Variants in LPAR6 observed in about 807,000 individuals in gnomAD.
The protein encoded by LPAR6 is G-protein coupled purinergic receptor P2Y5.
Under a neutral mutation model 22.0 loss-of-function variants are expected in LPAR6, and 17 were observed. The ratio of observed to expected loss-of-function variants is 0.77; its 90% CI spans 0.53 to 1.16. The LOEUF (loss-of-function observed/expected upper bound fraction) is 1.16, where lower values mean the gene tolerates loss of function less well. Ranked by LOEUF, LPAR6 falls within the 50% of genes most tolerant of loss-of-function variation. The probability of loss-of-function intolerance (pLI) is 0.00; values close to 1 mark genes in which losing one functional copy is unlikely to be tolerated. For synonymous variants in LPAR6, 136 were observed against 139.8 expected, an observed-to-expected ratio of 0.97 and a Z score of 0.19; for missense variants, 384 against 406.9, an observed-to-expected ratio of 0.94 and a Z score of 0.48.
At chr13:48,391,278 T>G (rs1170836378) in intron 1 of LPAR6, 3 of 152,234 alleles carry the variant, frequency 2.0e-5, no homozygotes, top group Non-Finnish European at 2.9e-5. Flanking sequence ...TGTCATACAT[T>G]TTGCTTCGAC....
At chr13:48,415,477 A>G (rs1167016641), upstream of LPAR6, among the ~76,000 whole-genome samples, 1 of 151,776 alleles carries the variant, frequency 6.6e-6, no homozygotes, top group East Asian at 1.9e-4. Flanking sequence ...ATAGGGTTTT[A>G]CCATGTGGCC....
chr13:48,419,499 A>G lies in LPAR6; in HGVS notation c.-953-2179T>C, dbSNP rs184701301. Among the ~76,000 whole-genome samples the G allele has an allele frequency of 3.1e-3, 470 of 152,330 alleles. 1 individual carries two copies. The highest frequency in any genetic ancestry group is 0.011 in the African/African-American group (442 of 41,578). ...GAACTAGAGAAGCAAGAGCAAACTA[A>G]TTCAAAAGCTAGCAGAAGATAAGAA... On this transcript the variant is annotated intron_variant, in intron 2 of 4. Coordinates refer to the LPAR6 transcript ENST00000345941.
chr13:48,390,774 C>G (rs1013077869), intron 1 of LPAR6, among the ~76,000 whole-genome samples: 1 of 152,176 alleles, frequency 6.6e-6, no homozygotes, highest in African/African-American at 2.4e-5. Flanking sequence ...ACTAGTGAAG[C>G]CATTCCAGCT....
At chr13:48,420,476 C>G (rs1347317432) in intron 2 of LPAR6, among the ~76,000 whole-genome samples, 2 of 152,150 alleles carry the variant, frequency 1.3e-5, no homozygotes, top group Non-Finnish European at 2.9e-5. Flanking sequence ...AAAACTGGCA[C>G]AAGACAAGGA....
chr13:48,424,583 A>G (rs1003484416), intron 1 of LPAR6, among the ~76,000 whole-genome samples: 1 of 128,404 alleles, frequency 7.8e-6, no homozygotes, highest in Non-Finnish European at 1.7e-5. Context: ...CATACACTTG[A>G]GTTGTCCCTT....
upstream of LPAR6, among the ~76,000 whole-genome samples, chr13:48,413,448 TTAGAA>T (rs1240972378): frequency 2.0e-5 from 3 of 152,204 alleles, no homozygotes; most frequent in African/African-American, 7.2e-5. Context: ...ATATGACAAT[TTAGAA>T]AAGAAAATGT....
At chr13:48,437,461 A>T (rs1949195455) in intron 1 of LPAR6, among the ~76,000 whole-genome samples, 3 of 152,222 alleles carry the variant, frequency 2.0e-5, no homozygotes, top group Admixed American at 2.0e-4. Context: ...AAGTCGGGAA[A>T]CTGGGAGTGG....
At chr13:48,408,971 G>T (rs533040594), downstream of LPAR6, among the ~76,000 whole-genome samples, 41 of 152,134 alleles carry the variant, frequency 2.7e-4, no homozygotes, top group African/African-American at 9.9e-4. Context: ...ATTGGTAGTT[G>T]CTTCTCAACT....
chr13:48,434,171 G>A (rs1949159348), intron 1 of LPAR6, among the ~76,000 whole-genome samples: 2 of 151,930 alleles, frequency 1.3e-5, no homozygotes, highest in South Asian at 4.2e-4. Context: ...AATGAGCCAG[G>A]CCTGGTGGCT....
At position 48,411,215 on chromosome 13, in the gene LPAR6, A is replaced by G; in HGVS notation, c.*174T>C. ...AATCAGATGGAGTGGATACACAAAT[A>G]AAATACATGTTAATGCTTAACACAT... On this transcript the variant is annotated 3_prime_UTR_variant, in exon 1 of 1. Transcript: ENST00000620633. 1 of 573,084 alleles carries G rather than the reference A, an allele frequency of 1.7e-6. No homozygotes were observed. The highest frequency in any genetic ancestry group is 2.3e-5 in the South Asian group (1 of 44,002). 35.5% of individuals were successfully genotyped at this position (573,084 alleles called of 1,614,324 possible). A position where few individuals can be genotyped will look rare whatever the true frequency, so the allele number is the denominator to read the frequency against.
intron 1 of LPAR6, among the ~76,000 whole-genome samples, chr13:48,432,816 G>T (rs1593511796): frequency 6.6e-6 from 1 of 151,642 alleles, no homozygotes; most frequent in Non-Finnish European, 1.5e-5. Context: ...TTACTATTAA[G>T]GCTCTTGAAA....
chr13:48,419,918 C>T (rs184914898), intron 2 of LPAR6, among the ~76,000 whole-genome samples: 30 of 152,134 alleles, frequency 2.0e-4, no homozygotes, highest in Non-Finnish European at 3.7e-4. Flanking sequence ...CCAAAAAAAT[C>T]CCAGGAGCAG....
rs150406908 is a variant in LPAR6, at chr13:48,405,237, G to C, written n.114+10463C>G. 4.6e-3 allele frequency among the ~76,000 whole-genome samples: 701 copies of C among 152,204 alleles called. 5 individuals are homozygous for C. Among genetic ancestry groups the C allele is most frequent in the African/African-American group, 0.016 (667 of 41,540 alleles). On this transcript the variant is annotated intron_variant and non_coding_transcript_variant, in intron 1 of 1. Coordinates refer to the LPAR6 transcript ENST00000462781. ...AAAGAATGCCTTCAACAACAAAATG[G>C]TTTCTTTTAACAATTGTATAACCTC... is the stretch of plus-strand genomic sequence containing the variant.
At chr13:48,398,599 C>T (rs970172320) in intron 1 of LPAR6, among the ~76,000 whole-genome samples, 2 of 151,880 alleles carry the variant, frequency 1.3e-5, no homozygotes, top group Non-Finnish European at 2.9e-5. Context: ...AGATCATCAG[C>T]TCTCTTTAAG....
chr13:48,430,597 G>A (rs953688251), upstream of LPAR6, among the ~76,000 whole-genome samples: 4 of 152,040 alleles, frequency 2.6e-5, no homozygotes, highest in Non-Finnish European at 4.4e-5. Context: ...AAAATTAGCT[G>A]GGCATGGTGG....
chr13:48,394,298 C>T (rs1417832040), intron 1 of LPAR6, among the ~76,000 whole-genome samples: 1 of 152,190 alleles, frequency 6.6e-6, no homozygotes, highest in Non-Finnish European at 1.5e-5. Context: ...CACCAGGGCC[C>T]TGGGTTTCAA....
In LPAR6 at chr13:48,422,649, C is replaced by A. The variant is rs944839829; in HGVS notation, c.-954+1G>T. ...GTCTCCATAAAAAATTTAAAAATTACCTGGGTGTGGTGATGTCAACCTGTG... is the reference window on the plus strand; with the variant it reads ...GTCTCCATAAAAAATTTAAAAATTAACTGGGTGTGGTGATGTCAACCTGTG... On this transcript the variant is annotated splice_donor_variant, in intron 2 of 4. Transcript: ENST00000345941. LOFTEE classifies it low-confidence loss of function (5UTR_SPLICE). 1 of 151,800 alleles carries A rather than the reference C, an allele frequency of 6.6e-6. No homozygotes were observed. The highest frequency in any genetic ancestry group is 2.4e-5 in the African/African-American group (1 of 41,296). 9.4% of individuals were successfully genotyped at this position (151,800 alleles called of 1,614,324 possible). A position where few individuals can be genotyped will look rare whatever the true frequency, so the allele number is the denominator to read the frequency against.
chr13:48,412,425 GT>G lies in LPAR6; in HGVS notation c.-3del. 1 of 1,610,274 alleles carries G rather than the reference GT, an allele frequency of 6.2e-7. No homozygotes were observed. Among genetic ancestry groups the G allele is most frequent in the Non-Finnish European group, 8.5e-7 (1 of 1,176,564 alleles). On this transcript the variant is annotated 5_prime_UTR_variant, in exon 1 of 1. Coordinates refer to ENST00000620633, the MANE Select transcript of LPAR6 (RefSeq NM_001162498.3). ...GTGGGAGCTGTTAACGCTTACCATC[GT>G]AAAGGCACGTCCAATTTTCAGTTTG... is the stretch of plus-strand genomic sequence containing the variant.
intron 1 of LPAR6, among the ~76,000 whole-genome samples, chr13:48,396,314 A>G (rs1027225071): frequency 6.6e-6 from 1 of 152,056 alleles, no homozygotes; most frequent in African/African-American, 2.4e-5. Context: ...AACCAACGGA[A>G]CAGAACAGAG....
Sources: gnomAD v4.1 joint callset for allele counts (sites outside exome capture counted in the v4.1 genomes callset) on GRCh38, gnomAD v4.1.1 for gene constraint, MANE v1.5 for transcripts, NCBI Gene and HGNC (gene_info 2026-07-23, HGNC 2026-07-21) for gene names.